Variants in GALNT7 observed in about 807,000 individuals in gnomAD.
GALNT7 encodes the protein N-acetylgalactosaminyltransferase 7.
A neutral mutation model predicts 82.1 loss-of-function variants in GALNT7; 60 were observed. The ratio of observed to expected loss-of-function variants is 0.73; its 90% confidence interval spans 0.59 to 0.91. The LOEUF (loss-of-function observed/expected upper bound fraction) is 0.91, where lower values mean the gene tolerates loss of function less well. GALNT7 is among the 40% of genes least tolerant of loss of function. The pLI is 0.00. For missense variants in GALNT7, 660 were observed against 804.2 expected, an observed-to-expected ratio of 0.82 and a Z score of 2.17; for synonymous variants, 243 against 275.1, an observed-to-expected ratio of 0.88 and a Z score of 1.15.
chr4:173,181,394 T>C (rs1415834876), intron 1 of GALNT7, among the ~76,000 whole-genome samples: 2 of 152,254 alleles, frequency 1.3e-5, no homozygotes, highest in East Asian at 3.9e-4. Context: ...ATAAATTTGC[T>C]TACAGTCCAG....
chr4:173,224,669 G>A (rs889395211), intron 1 of GALNT7, among the ~76,000 whole-genome samples: 2 of 152,010 alleles, frequency 1.3e-5, no homozygotes, highest in African/African-American at 4.8e-5. Context: ...AATTCTGAAC[G>A]AAGTTTAAGA....
At chr4:173,316,653 A>G (rs1580019206) in intron 9 of GALNT7, 1 of 152,214 alleles carries the variant, frequency 6.6e-6, no homozygotes. Flanking sequence ...GAATAAATAC[A>G]TGAATGAATA....
intron 1 of GALNT7, among the ~76,000 whole-genome samples, chr4:173,172,034 A>T (rs1731892414): frequency 6.6e-6 from 1 of 152,246 alleles, no homozygotes; most frequent in Non-Finnish European, 1.5e-5. Flanking sequence ...TTGGAGGGGC[A>T]TAAGGCAGAG....
At chr4:173,211,945 A>T (rs1198053959) in intron 1 of GALNT7, among the ~76,000 whole-genome samples, 1 of 152,226 alleles carries the variant, frequency 6.6e-6, no homozygotes, top group Admixed American at 6.5e-5. Context: ...TTCAGGTTAA[A>T]ATTTCATATC....
At chr4:173,242,156 C>T (rs1734457894) in intron 1 of GALNT7, among the ~76,000 whole-genome samples, 4 of 152,052 alleles carry the variant, frequency 2.6e-5, no homozygotes, top group Admixed American at 2.6e-4. Context: ...CTACTATTTT[C>T]TCTATTTTGT....
intron 9 of GALNT7, among the ~76,000 whole-genome samples, chr4:173,314,444 C>T (rs1737516634): frequency 6.6e-6 from 1 of 152,164 alleles, no homozygotes; most frequent in Non-Finnish European, 1.5e-5. Flanking sequence ...ATGCCTCTTA[C>T]TCCAACTCCC....
rs377711448 is a variant in GALNT7 at position 173,256,267 on chromosome 4, TGAA to T, written c.587+7832_587+7834del. 3.8e-3 allele frequency among the ~76,000 whole-genome samples: 574 copies of T among 152,318 alleles called. 6 individuals are homozygous for T. The highest frequency in any genetic ancestry group is 0.013 in the African/African-American group (553 of 41,572). The stretch of plus-strand genomic sequence containing the variant: ...AGAAACTGAGAAGGAAACTGATTGA[TGAA>T]GAAGGCCATCCTTGGATCATACTTT... On this transcript the variant is annotated intron_variant, in intron 2 of 11. Transcript: ENST00000265000.
At chr4:173,287,317 C>T (rs1055435722) in intron 2 of GALNT7, among the ~76,000 whole-genome samples, 1 of 152,224 alleles carries the variant, frequency 6.6e-6, no homozygotes, top group Admixed American at 6.5e-5. Context: ...GGTATTTTCC[C>T]CACTTGCTTC....
At chr4:173,214,930 C>A (rs915150135) in intron 1 of GALNT7, among the ~76,000 whole-genome samples, 8 of 152,124 alleles carry the variant, frequency 5.3e-5, no homozygotes, top group African/African-American at 1.7e-4. Context: ...GGTCGTGCTT[C>A]AGGAATACAC....
intron 2 of GALNT7, among the ~76,000 whole-genome samples, chr4:173,268,529 C>CTTTT (rs1579973397): frequency 4.9e-5 from 3 of 61,022 alleles, no homozygotes; most frequent in Non-Finnish European, 7.4e-5. Context: ...TTTTCTCTCT[C>CTTTT]GTTTTTTTTT....
At chr4:173,266,552 A>G (rs1414485463) in intron 2 of GALNT7, among the ~76,000 whole-genome samples, 2 of 152,206 alleles carry the variant, frequency 1.3e-5, no homozygotes, top group Non-Finnish European at 2.9e-5. Context: ...AAAAATTTTT[A>G]CTTAGGAGCA....
At chr4:173,314,847 A>T (rs112693203) in intron 9 of GALNT7, among the ~76,000 whole-genome samples, 2 of 152,144 alleles carry the variant, frequency 1.3e-5, no homozygotes, top group African/African-American at 4.8e-5. Context: ...TAAACCTGCC[A>T]TGAACGTTCA....
rs201773910 is a variant in GALNT7 at position 173,248,236 on chromosome 4, G to A, written c.383G>A (p.Arg128His). The stretch of plus-strand genomic sequence containing the variant: ...TTCACCTACCATGATCCTGTGCTTC[G>A]CCCAGGGATCCTCGGTAACTTTGAA... ...QTFTYHDPVL[R>H]PGILGNFEPK... Residue 128 changes from arginine to histidine, a missense_variant, in exon 2 of 12, where the codon CGC (arginine) becomes CAC (histidine). Around this residue, in one of 2 missense-constraint regions of GALNT7, gnomAD observed 527 missense variants for 683.5 expected, o/e 0.77. Coordinates refer to ENST00000265000, the MANE Select transcript of GALNT7 (RefSeq NM_017423.3). 38 of 1,613,940 alleles carry A rather than the reference G, an allele frequency of 2.4e-5. No homozygotes were observed. Among genetic ancestry groups the A allele is most frequent in the African/African-American group, 1.2e-4 (9 of 75,014 alleles).
At chr4:173,219,999 A>C (rs1410918941) in intron 1 of GALNT7, among the ~76,000 whole-genome samples, 3 of 152,124 alleles carry the variant, frequency 2.0e-5, no homozygotes, top group Non-Finnish European at 4.4e-5. Context: ...TAGTTCAATT[A>C]AGTCCTGTGT....
At chr4:173,274,926 G>A (rs1001815110) in intron 2 of GALNT7, among the ~76,000 whole-genome samples, 18 of 152,104 alleles carry the variant, frequency 1.2e-4, no homozygotes, top group Non-Finnish European at 1.6e-4. Flanking sequence ...CACTGCTGTC[G>A]TCTCCTCTGC....
intron 1 of GALNT7, 125 bp from the exon 2 acceptor site, chr4:173,247,855 G>A (rs1734698695): frequency 4.9e-6 from 3 of 607,374 alleles, no homozygotes; most frequent in South Asian, 4.2e-5. Flanking sequence ...TTAATGGCCC[G>A]CTTGTATTCC....
At chr4:173,259,858 G>A (rs1362982816) in intron 2 of GALNT7, among the ~76,000 whole-genome samples, 3 of 152,146 alleles carry the variant, frequency 2.0e-5, no homozygotes, top group Non-Finnish European at 2.9e-5. Flanking sequence ...GGCTGGTCTC[G>A]AACTCTTGAC....
At chr4:173,251,310 G>A (rs1480715558) in intron 2 of GALNT7, among the ~76,000 whole-genome samples, 1 of 152,144 alleles carries the variant, frequency 6.6e-6, no homozygotes. Flanking sequence ...CAATCTCTCA[G>A]GATTAGCATT....
chr4:173,238,481 T>C (rs991294718), intron 1 of GALNT7, among the ~76,000 whole-genome samples: 2 of 152,328 alleles, frequency 1.3e-5, no homozygotes, highest in African/African-American at 4.8e-5. Context: ...CTATGAGAGA[T>C]GGACTGTTCA....
Sources: allele counts gnomAD v4.1 joint callset (sites outside exome capture counted in the v4.1 genomes callset), GRCh38; gene constraint gnomAD v4.1.1; regional missense constraint gnomAD v4.1.1; transcripts MANE v1.5; gene names NCBI Gene and HGNC (gene_info 2026-07-23, HGNC 2026-07-21).